Variants in LRP1B observed in about 807,000 individuals in gnomAD.
LRP1B encodes the protein LDL receptor related protein 1B.
Under a neutral mutation model 556.6 loss-of-function variants are expected in LRP1B, and 217 were observed. That is an observed-to-expected ratio of 0.39 (90% CI 0.35 to 0.44). LRP1B has a LOEUF of 0.44. Among genes scored for constraint, LRP1B ranks in the 20% least tolerant of loss-of-function variants. LRP1B has a pLI of 1.00. For missense variants in LRP1B, 5,053 were observed against 5,620.8 expected, an observed-to-expected ratio of 0.90 and a Z score of 3.23; for synonymous variants, 2,047 against 1,865.8, an observed-to-expected ratio of 1.10 and a Z score of -2.50.
At position 140,805,990 on chromosome 2, in the gene LRP1B, G is replaced by C. The variant is rs553944764; in HGVS notation, c.5359+7667C>G. Among the ~76,000 whole-genome samples, 18 of 152,154 alleles carry C rather than the reference G, an allele frequency of 1.2e-4. No individual in the cohort carries two copies. In the East Asian group the frequency reaches 3.5e-3, roughly 29 times the overall value. ...GAATTGAAGAGTGGGATCTTTGGAA[G>C]GTAATTTGGTCATGAGGGTAAAGAC... is the stretch of plus-strand genomic sequence containing the variant. On this transcript the variant is annotated intron_variant, in intron 32 of 90. Coordinates refer to ENST00000389484, the MANE Select transcript of LRP1B (RefSeq NM_018557.3).
intron 11 of LRP1B, among the ~76,000 whole-genome samples, chr2:141,041,063 G>C (rs1698682988): frequency 6.6e-6 from 1 of 152,068 alleles, no homozygotes; most frequent in South Asian, 2.1e-4. Flanking sequence ...CGGTTTTCCA[G>C]GTATTTACAG....
chr2:140,468,406 A>G (rs928970933), intron 60 of LRP1B, among the ~76,000 whole-genome samples: 6 of 152,162 alleles, frequency 3.9e-5, no homozygotes, highest in Non-Finnish European at 8.8e-5. Flanking sequence ...GGGCCACAGT[A>G]GAGAGCTCCT....
At chr2:141,975,186 C>T (rs1701851243) in intron 1 of LRP1B, among the ~76,000 whole-genome samples, 1 of 151,948 alleles carries the variant, frequency 6.6e-6, no homozygotes, top group South Asian at 2.1e-4. Flanking sequence ...ACTGTTGTGT[C>T]TGATACTGGT....
chr2:140,694,672 C>T (rs1686363412), intron 41 of LRP1B, among the ~76,000 whole-genome samples: 1 of 152,082 alleles, frequency 6.6e-6, no homozygotes. Flanking sequence ...TGCCATTTGT[C>T]AACATTTATT....
At chr2:141,916,695 C>T (rs867552931) in intron 1 of LRP1B, among the ~76,000 whole-genome samples, 3 of 151,846 alleles carry the variant, frequency 2.0e-5, no homozygotes, top group Admixed American at 6.6e-5. Context: ...CACCTTCTCA[C>T]TTGTAAGTGG....
chr2:141,698,824 T>A (rs1691832636), intron 2 of LRP1B, among the ~76,000 whole-genome samples: 1 of 151,724 alleles, frequency 6.6e-6, no homozygotes, highest in Non-Finnish European at 1.5e-5. Context: ...TTAGTAAAAA[T>A]TTGGATTTCT....
At chr2:140,563,637 G>T (rs1681019063) in intron 43 of LRP1B, among the ~76,000 whole-genome samples, 1 of 152,092 alleles carries the variant, frequency 6.6e-6, no homozygotes, top group Non-Finnish European at 1.5e-5. Flanking sequence ...AATTTCATGA[G>T]AAAATTGATT....
At chr2:141,623,904 A>G (rs1574154916) in intron 2 of LRP1B, among the ~76,000 whole-genome samples, 1 of 150,824 alleles carries the variant, frequency 6.6e-6, no homozygotes, top group South Asian at 2.1e-4. Context: ...AATCCCAGCT[A>G]CTCGGGAGGC....
intron 25 of LRP1B, among the ~76,000 whole-genome samples, chr2:140,882,196 A>T (rs994572533): frequency 6.6e-6 from 1 of 152,166 alleles, no homozygotes; most frequent in African/African-American, 2.4e-5. Context: ...TAAAACCCTT[A>T]CATCAGTAGT....
chr2:141,153,945 T>C (rs934549295), intron 7 of LRP1B, among the ~76,000 whole-genome samples: 2 of 151,678 alleles, frequency 1.3e-5, no homozygotes, highest in Non-Finnish European at 3.0e-5. Flanking sequence ...CTATTGTTAT[T>C]TGTTGGTCCC....
At chr2:142,020,293 C>A (rs1462717144) in intron 1 of LRP1B, among the ~76,000 whole-genome samples, 1 of 152,024 alleles carries the variant, frequency 6.6e-6, no homozygotes, top group African/African-American at 2.4e-5. Context: ...GTTGGGGAGG[C>A]CCAAAGCATG....
At chr2:142,128,787 C>T (rs1360833386) in intron 1 of LRP1B, among the ~76,000 whole-genome samples, 5 of 152,170 alleles carry the variant, frequency 3.3e-5, no homozygotes, top group African/African-American at 4.8e-5. Context: ...TGCTCTGCTT[C>T]TATCTTAGAT....
At chr2:140,288,356 A>G (rs534166646) in intron 84 of LRP1B, among the ~76,000 whole-genome samples, 11 of 151,952 alleles carry the variant, frequency 7.2e-5, no homozygotes, top group Admixed American at 2.0e-4. Context: ...CATATTATCT[A>G]TAAGAAAGGA....
intron 1 of LRP1B, among the ~76,000 whole-genome samples, chr2:141,977,940 TAA>T (rs2105089033): frequency 6.6e-6 from 1 of 152,282 alleles, no homozygotes; most frequent in East Asian, 1.9e-4. Context: ...CTATATTATG[TAA>T]GAGAACTACT....
chr2:141,033,396 A>C (rs796368664), intron 11 of LRP1B, among the ~76,000 whole-genome samples: 16 of 152,192 alleles, frequency 1.1e-4, no homozygotes, highest in African/African-American at 3.6e-4. Flanking sequence ...TAGATTTAAA[A>C]TTTAAAAAAC....
intron 3 of LRP1B, among the ~76,000 whole-genome samples, chr2:141,301,551 A>G (rs1337432682): frequency 6.6e-6 from 1 of 152,184 alleles, no homozygotes; most frequent in East Asian, 1.9e-4. Context: ...CCAAGTCTAT[A>G]TAGCATCCCT....
In LRP1B at chr2:140,420,507, C is replaced by A. The variant is rs1199167489; in HGVS notation, c.10414+21997G>T. ...GTTAAAAATATACTTACTATGTAAT[C>A]CTGTCTTCAGAGTAAAGAAGTTATA... On this transcript the variant is annotated intron_variant, in intron 66 of 90. Coordinates refer to ENST00000389484, the MANE Select transcript of LRP1B (RefSeq NM_018557.3). Among the ~76,000 whole-genome samples the A allele has an allele frequency of 4.6e-5, 7 of 152,146 alleles. No homozygotes were observed. In the East Asian group the frequency reaches 1.3e-3, roughly 29 times the overall value.
At chr2:141,886,063 C>T (rs1043557616) in intron 1 of LRP1B, among the ~76,000 whole-genome samples, 1 of 152,046 alleles carries the variant, frequency 6.6e-6, no homozygotes, top group Admixed American at 6.6e-5. Flanking sequence ...GTGAAGAAAA[C>T]CTCTAAAACC....
chr2:141,611,328 T>C (rs954673602), intron 2 of LRP1B, among the ~76,000 whole-genome samples: 1 of 152,200 alleles, frequency 6.6e-6, no homozygotes, highest in Non-Finnish European at 1.5e-5. Flanking sequence ...GACAAGCTGC[T>C]TAATTTGAGT....
Sources: allele counts gnomAD v4.1 joint callset (sites outside exome capture counted in the v4.1 genomes callset), GRCh38; gene constraint gnomAD v4.1.1; transcripts MANE v1.5; gene names NCBI Gene and HGNC (gene_info 2026-07-23, HGNC 2026-07-21).